Variants in MAPK9 observed in about 807,000 individuals in gnomAD.
MAPK9 encodes Jun kinase.
In MAPK9, 30 loss-of-function variants were observed where a neutral mutation model predicts 57.1. The observed-to-expected ratio is 0.53, with a 90% confidence interval of 0.39 to 0.71. MAPK9 has a LOEUF of 0.71. Among genes scored for constraint, MAPK9 ranks in the 30% least tolerant of loss-of-function variants. The probability of loss-of-function intolerance (pLI) is 0.00; values close to 1 mark genes in which losing one functional copy is unlikely to be tolerated. For missense variants in MAPK9, 362 were observed against 521.0 expected (o/e 0.69, Z 2.97); for synonymous variants, 155 against 177.0 (o/e 0.88, Z 0.99).
chr5:180,290,905 G>C (rs1486390894), intron 1 of MAPK9, among the ~76,000 whole-genome samples: 2 of 152,212 alleles, frequency 1.3e-5, no homozygotes, highest in South Asian at 2.1e-4. Flanking sequence ...TTACATCCTA[G>C]TCGGGGAGAC....
intron 1 of MAPK9, among the ~76,000 whole-genome samples, chr5:180,285,849 C>G (rs975708322): frequency 6.6e-6 from 1 of 151,862 alleles, no homozygotes; most frequent in East Asian, 2.0e-4. Flanking sequence ...GAGGCTGTGG[C>G]GTGTGGATCA....
Position 180,271,322 on chromosome 5 carries a change from CAAAG to C in MAPK9, c.123-1917_123-1914del, listed in dbSNP as rs1296731087. 6.6e-5 allele frequency among the ~76,000 whole-genome samples: 10 copies of C among 152,294 alleles called. No individual in the cohort carries two copies. The South Asian group carries it at 1.9e-3, about 28-fold the overall frequency. ...CCTGGTTGTGGTTATTGCGGTCACT[CAAAG>C]AATACATTGTTATCACTATCTCTTC... On this transcript the variant is annotated intron_variant, in intron 2 of 11. Coordinates refer to ENST00000452135, the MANE Select transcript of MAPK9 (RefSeq NM_002752.5).
rs1333697898 is a variant in MAPK9, at chr5:180,247,330, T to C, written c.688+109A>G. 9 of 1,207,356 alleles carry C rather than the reference T, an allele frequency of 7.5e-6. No individual in the cohort carries two copies. The highest frequency in any genetic ancestry group is 9.8e-6 in the Non-Finnish European group (8 of 816,584). The allele number at this position is 1,207,356 out of a possible 1,614,324, so 74.8% of individuals were successfully genotyped here. On this transcript the variant is annotated intron_variant, in intron 7 of 11. Transcript: ENST00000452135. The surrounding 1 kb of genome is among the most constrained non-coding windows in gnomAD (Gnocchi z 4.5). Reference sequence around the variant, plus strand: ...GTAAAGCCCCCCTTAGAACACAGTCTGGAGTGGATTTTACGACTTTGTCCT... The same window carrying C: ...GTAAAGCCCCCCTTAGAACACAGTCCGGAGTGGATTTTACGACTTTGTCCT...
intron 5 of MAPK9, among the ~76,000 whole-genome samples, chr5:180,259,163 T>C (rs544782307): frequency 1.2e-3 from 186 of 152,190 alleles, no homozygotes; most frequent in African/African-American, 4.4e-3. Flanking sequence ...ATTTCAGTTC[T>C]CTAAGTAAAC....
Position 180,236,340 on chromosome 5 carries a change from G to A in MAPK9, c.*44C>T. 1.3e-6 allele frequency: 2 copies of A among 1,564,118 alleles called. No homozygotes were observed. Among genetic ancestry groups the A allele is most frequent in the South Asian group, 1.2e-5 (1 of 85,030 alleles). On this transcript the variant is annotated 3_prime_UTR_variant, in exon 12 of 12. Transcript: ENST00000452135. ...TCCCAAGCATTTCAGGCCCACGGAG[G>A]TGAGAGTTCCTTCAATGCTGACAGG...
intron 1 of MAPK9, among the ~76,000 whole-genome samples, chr5:180,284,807 C>G (rs1465447125): frequency 2.0e-5 from 3 of 152,090 alleles, no homozygotes; most frequent in African/African-American, 7.2e-5. Flanking sequence ...CAACAGAATG[C>G]AAGGACTTTA....
intron 7 of MAPK9, among the ~76,000 whole-genome samples, chr5:180,245,583 C>T (rs11739985): frequency 0.069 from 10,487 of 152,092 alleles, 472 homozygotes; most frequent in Admixed American, 0.1. Flanking sequence ...ATGAGAGGGA[C>T]GGGGGAAGGG....
chr5:180,233,463 T>C lies in MAPK9; in HGVS notation c.*2921A>G, dbSNP rs1462881337. 2 of 152,224 alleles carry C rather than the reference T, an allele frequency of 1.3e-5. No individual in the cohort carries two copies. The highest frequency in any genetic ancestry group is 2.9e-5 in the Non-Finnish European group (2 of 68,036). The allele number at this position is 152,224 out of a possible 1,614,324, so 9.4% of individuals were successfully genotyped here. ...TTTCTGCCTCTCAGTGTGAAACCTC[T>C]TGCTAATATTGATCAAAAGCATGAC... On this transcript the variant is annotated 3_prime_UTR_variant, in exon 12 of 12. Coordinates refer to ENST00000452135, the MANE Select transcript of MAPK9 (RefSeq NM_002752.5).
At chr5:180,276,900 A>C (rs1425528071) in intron 2 of MAPK9, among the ~76,000 whole-genome samples, 1 of 152,224 alleles carries the variant, frequency 6.6e-6, no homozygotes, top group African/African-American at 2.4e-5. Context: ...TTCCTAATAA[A>C]TTTTACTAAC....
intron 7 of MAPK9, among the ~76,000 whole-genome samples, chr5:180,245,755 C>A (rs1275223253): frequency 1.3e-5 from 2 of 152,136 alleles, no homozygotes; most frequent in African/African-American, 4.8e-5. Context: ...GAGCTGGGGC[C>A]CGAGGTGGCC....
chr5:180,256,795 T>C (rs1190154774), intron 5 of MAPK9, among the ~76,000 whole-genome samples: 1 of 152,170 alleles, frequency 6.6e-6, no homozygotes, highest in East Asian at 1.9e-4. Flanking sequence ...CAGGAGGCCA[T>C]TGTTTCCCAC....
At chr5:180,260,169 T>C (rs1429533109) in intron 5 of MAPK9, among the ~76,000 whole-genome samples, 1 of 152,222 alleles carries the variant, frequency 6.6e-6, no homozygotes, top group East Asian at 1.9e-4. Flanking sequence ...TTTCCAGTTC[T>C]ACTTGAAGAC....
chr5:180,234,989 G>A lies in MAPK9; in HGVS notation c.*1395C>T, dbSNP rs1307241772. On this transcript the variant is annotated 3_prime_UTR_variant, in exon 12 of 12. Transcript: ENST00000452135. ...AATCAGCAACAGAATAAGCTCAAGG[G>A]AAGAGACATGGGCACAGGCAGGCAA... The A allele has an allele frequency of 2.0e-5, 3 of 152,178 alleles. No individual in the cohort carries two copies. Among genetic ancestry groups the A allele is most frequent in the African/African-American group, 7.2e-5 (3 of 41,442 alleles). 9.4% of individuals were successfully genotyped at this position (152,178 alleles called of 1,614,324 possible). A position where few individuals can be genotyped will look rare whatever the true frequency, so the allele number is the denominator to read the frequency against.
rs1275861378 is a variant in MAPK9 at position 180,280,613 on chromosome 5, A to G, written c.-47-5T>C. The G allele has an allele frequency of 2.5e-6, 4 of 1,592,086 alleles. No individual in the cohort carries two copies. The highest frequency in any genetic ancestry group is 1.8e-5 in the Admixed American group (1 of 56,918). On this transcript the variant is annotated splice_region_variant and splice_polypyrimidine_tract_variant and intron_variant, in intron 1 of 11. Transcript: ENST00000452135. ...GGGTGGGCAAGTTTCAGATCCCTTCAAAGAAAAACAGAATGAACGTGCATT... is the reference window on the plus strand; with the variant it reads ...GGGTGGGCAAGTTTCAGATCCCTTCGAAGAAAAACAGAATGAACGTGCATT...
intron 3 of MAPK9, 42 bp downstream of exon 3, chr5:180,269,238 G>T: frequency 1.9e-6 from 3 of 1,583,530 alleles, no homozygotes; most frequent in South Asian, 2.2e-5. Flanking sequence ...CCACATTATT[G>T]ACAATATGGA....
chr5:180,266,305 G>A (rs957659885), intron 3 of MAPK9, among the ~76,000 whole-genome samples: 6 of 150,720 alleles, frequency 4.0e-5, no homozygotes, highest in Non-Finnish European at 7.4e-5. Context: ...AGTAACAGAC[G>A]TTCTCAGACA....
At chr5:180,249,841 T>G (rs1015994138) in intron 5 of MAPK9, among the ~76,000 whole-genome samples, 1 of 152,244 alleles carries the variant, frequency 6.6e-6, no homozygotes, top group South Asian at 2.1e-4. Flanking sequence ...TTTTTAGTAC[T>G]GAGCCTTTGA....
chr5:180,240,093 G>T, intron 9 of MAPK9, 106 bp from the exon 10 acceptor site: 1 of 791,670 alleles, frequency 1.3e-6, no homozygotes, highest in Non-Finnish European at 2.1e-6. Flanking sequence ...TTATGATATG[G>T]ATTTAGTTTA....
In MAPK9 at chr5:180,236,339, G is replaced by A; in HGVS notation, c.*45C>T. 6.4e-7 allele frequency: 1 copy of A among 1,563,920 alleles called. No homozygotes were observed. ...CTCCCAAGCATTTCAGGCCCACGGAGGTGAGAGTTCCTTCAATGCTGACAG... is the reference window on the plus strand; with the variant it reads ...CTCCCAAGCATTTCAGGCCCACGGAAGTGAGAGTTCCTTCAATGCTGACAG... On this transcript the variant is annotated 3_prime_UTR_variant, in exon 12 of 12. Coordinates refer to ENST00000452135, the MANE Select transcript of MAPK9 (RefSeq NM_002752.5).
Sources: allele counts gnomAD v4.1 joint callset (sites outside exome capture counted in the v4.1 genomes callset), GRCh38; gene constraint gnomAD v4.1.1; non-coding constraint Gnocchi (gnomAD v3.1); transcripts MANE v1.5; gene names NCBI Gene and HGNC (gene_info 2026-07-23, HGNC 2026-07-21).